The following ZBTB7C variants were observed in gnomAD, a reference collection of about 807,000 sequenced individuals.
The protein encoded by ZBTB7C is zinc finger and BTB domain-containing protein 7C.
A neutral mutation model predicts 25.7 loss-of-function variants in ZBTB7C; 8 were observed. That is an observed-to-expected ratio of 0.31 (90% confidence interval 0.18 to 0.56). ZBTB7C has a LOEUF of 0.56. Among genes scored for constraint, ZBTB7C ranks in the 20% least tolerant of loss-of-function variants. The probability of loss-of-function intolerance (pLI) is 0.91; values close to 1 mark genes in which losing one functional copy is unlikely to be tolerated. For missense variants in ZBTB7C, 824 were observed against 855.2 expected, an observed-to-expected ratio of 0.96 and a Z score of 0.46; for synonymous variants, 394 against 369.0, an observed-to-expected ratio of 1.07 and a Z score of -0.78.
intron 1 of ZBTB7C, among the ~76,000 whole-genome samples, chr18:48,376,908 G>A (rs1236482946): frequency 6.6e-6 from 1 of 152,250 alleles, no homozygotes; most frequent in Admixed American, 6.5e-5. Flanking sequence ...AACGCAAAGA[G>A]GGCAGACATT....
At chr18:48,187,309 C>T (rs928354871) in intron 2 of ZBTB7C, among the ~76,000 whole-genome samples, 6 of 152,178 alleles carry the variant, frequency 3.9e-5, no homozygotes, top group African/African-American at 1.2e-4. Context: ...GGAAGTCAAA[C>T]GTCTATTGGG....
rs1230264718 is a variant in ZBTB7C at position 48,029,124 on chromosome 18, T to C, written c.*136A>G. The C allele has an allele frequency of 8.1e-7, 1 of 1,230,472 alleles. No homozygotes were observed. The highest frequency in any genetic ancestry group is 1.1e-6 in the Non-Finnish European group (1 of 924,770). 76.2% of individuals were successfully genotyped at this position (1,230,472 alleles called of 1,614,324 possible). ...TAGGAGCCCGGGAAAATGCCATCAC[T>C]GATAGTATTATTATTATTTTCCCAT... is the stretch of plus-strand genomic sequence containing the variant. On this transcript the variant is annotated 3_prime_UTR_variant, in exon 5 of 5. Coordinates refer to ENST00000590800, the MANE Select transcript of ZBTB7C (RefSeq NM_001318841.2).
intron 3 of ZBTB7C, among the ~76,000 whole-genome samples, chr18:48,166,358 T>G (rs1425006814): frequency 7.9e-5 from 12 of 152,242 alleles, no homozygotes; most frequent in Admixed American, 1.3e-4. Flanking sequence ...TAGGAAGAAT[T>G]TGCCTATCAT....
intron 3 of ZBTB7C, among the ~76,000 whole-genome samples, chr18:48,178,984 T>C (rs2041783472): frequency 6.6e-6 from 1 of 152,190 alleles, no homozygotes; most frequent in Non-Finnish European, 1.5e-5. Flanking sequence ...GTGTGGCTTC[T>C]CATATTCATT....
At chr18:48,356,586 C>A (rs991610875) in intron 1 of ZBTB7C, among the ~76,000 whole-genome samples, 1 of 152,166 alleles carries the variant, frequency 6.6e-6, no homozygotes, top group African/African-American at 2.4e-5. Flanking sequence ...AAGCCCCTGG[C>A]ATCCCATCTC....
chr18:48,106,581 G>A (rs905092517), intron 3 of ZBTB7C, among the ~76,000 whole-genome samples: 2 of 152,120 alleles, frequency 1.3e-5, no homozygotes, highest in East Asian at 3.9e-4. Flanking sequence ...CTTGAGGGGT[G>A]CTGTATTTGT....
intron 3 of ZBTB7C, among the ~76,000 whole-genome samples, chr18:48,043,864 C>T (rs568110095): frequency 2.6e-5 from 4 of 152,188 alleles, no homozygotes; most frequent in Non-Finnish European, 5.9e-5. Context: ...TCAATCTCCT[C>T]GCTTCTCTCC....
intron 3 of ZBTB7C, chr18:48,083,975 G>A (rs113449518): frequency 6.7e-6 from 5 of 747,066 alleles, no homozygotes; most frequent in African/African-American, 3.8e-5. Context: ...CAGGGTCGTC[G>A]CAGGGACAGC....
intron 3 of ZBTB7C, among the ~76,000 whole-genome samples, chr18:48,145,119 C>T (rs761221467): frequency 7.9e-5 from 12 of 152,060 alleles, no homozygotes; most frequent in East Asian, 3.9e-4. Context: ...TAGTTAATAA[C>T]GTGGGAACTT....
At chr18:48,382,297 A>C (rs1254116627) in intron 1 of ZBTB7C, among the ~76,000 whole-genome samples, 1 of 152,240 alleles carries the variant, frequency 6.6e-6, no homozygotes, top group African/African-American at 2.4e-5. Context: ...CTAGGAAAGC[A>C]GGGGATTATT....
chr18:48,127,409 C>T (rs758375429), intron 3 of ZBTB7C, among the ~76,000 whole-genome samples: 1 of 152,234 alleles, frequency 6.6e-6, no homozygotes, highest in East Asian at 1.9e-4. Flanking sequence ...TCTACAGAAT[C>T]TTGCTTCATT....
intron 3 of ZBTB7C, among the ~76,000 whole-genome samples, chr18:48,181,327 T>C (rs2041915804): frequency 6.6e-6 from 1 of 152,126 alleles, no homozygotes; most frequent in Non-Finnish European, 1.5e-5. Context: ...GAGCAGTGCA[T>C]AAGAAAAGAG....
chr18:48,374,061 C>G (rs1473793037), intron 1 of ZBTB7C, among the ~76,000 whole-genome samples: 5 of 152,286 alleles, frequency 3.3e-5, no homozygotes, highest in African/African-American at 1.2e-4. Context: ...TGCCTTCCAC[C>G]AGGAGTAAAA....
intron 1 of ZBTB7C, among the ~76,000 whole-genome samples, chr18:48,403,449 G>A (rs1221162377): frequency 1.3e-5 from 2 of 152,244 alleles, no homozygotes; most frequent in Admixed American, 1.3e-4. Context: ...AGGCTGAAGA[G>A]ATCAAGAAGG....
intron 2 of ZBTB7C, among the ~76,000 whole-genome samples, chr18:48,277,787 C>A (rs910636536): frequency 1.3e-5 from 2 of 151,930 alleles, no homozygotes; most frequent in Admixed American, 1.3e-4. Flanking sequence ...TTATAAGGAA[C>A]AACAGAGTTC....
At chr18:48,217,058 C>T (rs1599121626) in intron 2 of ZBTB7C, among the ~76,000 whole-genome samples, 1 of 152,100 alleles carries the variant, frequency 6.6e-6, no homozygotes, top group South Asian at 2.1e-4. Flanking sequence ...CCACAGGCTG[C>T]CAGCAGCCCT....
chr18:48,188,818 A>G (rs905129699), intron 2 of ZBTB7C, among the ~76,000 whole-genome samples: 5 of 152,060 alleles, frequency 3.3e-5, no homozygotes, highest in Non-Finnish European at 7.4e-5. Flanking sequence ...ACCCCTGCCT[A>G]GAAAGCCCCT....
rs57011900 is a variant in ZBTB7C at position 48,057,767 on chromosome 18, G to T, written c.-16-16644C>A. On this transcript the variant is annotated intron_variant, in intron 3 of 4. Coordinates refer to ENST00000590800, the MANE Select transcript of ZBTB7C (RefSeq NM_001318841.2). ...CTGGGGCCTTCAGCTACCCATCTCA[G>T]TTTTTCTGTCTGTAAAATGGAATTA... Among the ~76,000 whole-genome samples the T allele has an allele frequency of 7.3e-3, 1,110 of 152,286 alleles. 14 individuals are homozygous for T. The highest frequency in any genetic ancestry group is 0.025 in the African/African-American group (1,039 of 41,542).
intron 2 of ZBTB7C, among the ~76,000 whole-genome samples, chr18:48,306,828 T>C (rs927222330): frequency 1.3e-5 from 2 of 152,154 alleles, no homozygotes; most frequent in Admixed American, 1.3e-4. Context: ...AAAGCCTAGA[T>C]TAAAACCCAA....
Sources: gnomAD v4.1 joint callset for allele counts (sites outside exome capture counted in the v4.1 genomes callset) on GRCh38, gnomAD v4.1.1 for gene constraint, MANE v1.5 for transcripts, NCBI Gene and HGNC (gene_info 2026-07-23, HGNC 2026-07-21) for gene names.